Variants in RAB3D observed in about 807,000 individuals in gnomAD.
The protein encoded by RAB3D is RAB3D, member RAS oncogene family.
A neutral mutation model predicts 19.3 loss-of-function variants in RAB3D; 17 were observed. The observed-to-expected ratio is 0.88, with a 90% CI of 0.60 to 1.32. The LOEUF is 1.32. Ranked by LOEUF, RAB3D falls within the 40% of genes most tolerant of loss-of-function variation. The pLI is 0.00. For missense variants in RAB3D, 223 were observed against 299.1 expected, an observed-to-expected ratio of 0.75 and a Z score of 1.88; for synonymous variants, 103 against 119.9, an observed-to-expected ratio of 0.86 and a Z score of 0.92.
At chr19:11,329,743 G>A (rs773670139) in intron 4 of RAB3D, among the ~76,000 whole-genome samples, 3 of 151,894 alleles carry the variant, frequency 2.0e-5, no homozygotes, top group East Asian at 1.9e-4. Flanking sequence ...ACGCAATGGC[G>A]CGATCTTGGC....
chr19:11,336,528 T>C (rs1966896739), intron 2 of RAB3D, among the ~76,000 whole-genome samples: 1 of 152,026 alleles, frequency 6.6e-6, no homozygotes, highest in Non-Finnish European at 1.5e-5. Context: ...CAGGCTGGTC[T>C]GGAACCGCTG....
chr19:11,328,425 G>A (rs28594188), intron 4 of RAB3D, among the ~76,000 whole-genome samples: 12,300 of 151,570 alleles, frequency 0.081, 979 homozygotes, highest in African/African-American at 0.21. Context: ...ACGGAGGTGG[G>A]CGGATCACGA....
At chr19:11,327,164 C>A (rs961880360) in intron 4 of RAB3D, among the ~76,000 whole-genome samples, 3 of 152,230 alleles carry the variant, frequency 2.0e-5, no homozygotes, top group Middle Eastern at 3.2e-3. Flanking sequence ...CAGCTCCAGG[C>A]AGGCAGGATT....
chr19:11,333,574 GTTA>G (rs1415706445), intron 4 of RAB3D, among the ~76,000 whole-genome samples: 1 of 152,116 alleles, frequency 6.6e-6, no homozygotes, highest in Non-Finnish European at 1.5e-5. Flanking sequence ...TGGGGAGTGG[GTTA>G]TTGCCTTAGT....
chr19:11,332,797 A>G (rs1271556527), intron 4 of RAB3D, among the ~76,000 whole-genome samples: 1 of 152,080 alleles, frequency 6.6e-6, no homozygotes, highest in Non-Finnish European at 1.5e-5. Context: ...ATTTTTTTAA[A>G]AAAGTGTAGG....
In RAB3D at chr19:11,322,105, G is replaced by GAGT. The variant is rs1464407557; in HGVS notation, c.*3290_*3292dup. The GAGT allele has an allele frequency of 3.3e-5, 5 of 152,152 alleles. No individual in the cohort carries two copies. Among genetic ancestry groups the GAGT allele is most frequent in the South Asian group, 2.1e-4 (1 of 4,836 alleles). The allele number at this position is 152,152 out of a possible 1,614,324, so 9.4% of individuals were successfully genotyped here. ...GGATTTAAGTTTTTCTTGTTGAGAAGAGTACATCTTTCCAAACTGGACATC... is the reference window on the plus strand; with the variant it reads ...GGATTTAAGTTTTTCTTGTTGAGAAGAGTAGTACATCTTTCCAAACTGGACATC... On this transcript the variant is annotated 3_prime_UTR_variant, in exon 5 of 5. Coordinates refer to ENST00000222120, the MANE Select transcript of RAB3D (RefSeq NM_004283.4).
chr19:11,337,190 C>T lies in RAB3D; in HGVS notation c.210G>A (p.Arg70=). The T allele has an allele frequency of 1.2e-6, 2 of 1,614,002 alleles. No homozygotes were observed. The highest frequency in any genetic ancestry group is 1.7e-6 in the Non-Finnish European group (2 of 1,179,976). Residue 70 remains arginine (R), a synonymous_variant, in exon 2 of 5, where the codon AGG becomes AGA. Transcript: ENST00000222120. ...KVKTVYRHDK[R]IKLQIWDTAG... Reference sequence around the variant, plus strand: ...AGCCTACCCAGATCTGCAGCTTGATCCTCTTGTCATGGCGGTAGACGGTCT... The same window carrying T: ...AGCCTACCCAGATCTGCAGCTTGATTCTCTTGTCATGGCGGTAGACGGTCT...
chr19:11,336,589 A>C (rs1966897231), intron 2 of RAB3D, among the ~76,000 whole-genome samples: 1 of 151,996 alleles, frequency 6.6e-6, no homozygotes, highest in Non-Finnish European at 1.5e-5. Context: ...GATTACAGGC[A>C]TAAGCCACCA....
chr19:11,339,177 C>G (rs944349245), intron 1 of RAB3D, among the ~76,000 whole-genome samples: 4 of 152,234 alleles, frequency 2.6e-5, no homozygotes, highest in African/African-American at 9.6e-5. Flanking sequence ...TCGGTCCCGC[C>G]TCTTTCTAAC....
rs929876596 is a variant in RAB3D, at chr19:11,324,015, C to A, written c.*1383G>T. 6.6e-6 allele frequency: 1 copy of A among 152,140 alleles called. No homozygotes were observed. The highest frequency in any genetic ancestry group is 2.4e-5 in the African/African-American group (1 of 41,390). 9.4% of individuals were successfully genotyped at this position (152,140 alleles called of 1,614,324 possible). ...GAGCAGAAGCCCCTGGAGGTGGGGA[C>A]CCCAGCTTCAGAGACTCCCCGGCAC... is the stretch of plus-strand genomic sequence containing the variant. On this transcript the variant is annotated 3_prime_UTR_variant, in exon 5 of 5. Transcript: ENST00000222120.
At chr19:11,334,551 G>A (rs1396384479) in intron 4 of RAB3D, among the ~76,000 whole-genome samples, 2 of 152,058 alleles carry the variant, frequency 1.3e-5, no homozygotes, top group African/African-American at 4.8e-5. Context: ...CACTTTGGGA[G>A]GCTGAGGAGG....
At chr19:11,330,987 G>C (rs929459843) in intron 4 of RAB3D, among the ~76,000 whole-genome samples, 1 of 150,520 alleles carries the variant, frequency 6.6e-6, no homozygotes, top group Admixed American at 6.6e-5. Context: ...CTGCACTCCA[G>C]CCTGAGCACC....
intron 4 of RAB3D, among the ~76,000 whole-genome samples, chr19:11,333,000 A>C (rs1409283799): frequency 2.0e-5 from 3 of 152,168 alleles, no homozygotes; most frequent in Non-Finnish European, 4.4e-5. Context: ...ACAGAGGAAA[A>C]GGTTAAGGAA....
chr19:11,331,194 C>G (rs890487733), intron 4 of RAB3D, among the ~76,000 whole-genome samples: 15 of 151,728 alleles, frequency 9.9e-5, no homozygotes, highest in African/African-American at 3.4e-4. Context: ...ACTCAGGAGG[C>G]TGAGGCAAGA....
In RAB3D at chr19:11,324,068, A is replaced by G. The variant is rs893137760; in HGVS notation, c.*1330T>C. ...ATCACAGTCCATCCCCCCCATTCACATAAGGTCCTGCCACTCTCAGGCTGT... is the reference window on the plus strand; with the variant it reads ...ATCACAGTCCATCCCCCCCATTCACGTAAGGTCCTGCCACTCTCAGGCTGT... On this transcript the variant is annotated 3_prime_UTR_variant, in exon 5 of 5. Coordinates refer to ENST00000222120, the MANE Select transcript of RAB3D (RefSeq NM_004283.4). 9 of 152,160 alleles carry G rather than the reference A, an allele frequency of 5.9e-5. No homozygotes were observed. In the South Asian group the frequency reaches 1.5e-3, roughly 25 times the overall value. 9.4% of individuals were successfully genotyped at this position (152,160 alleles called of 1,614,324 possible). A position where few individuals can be genotyped will look rare whatever the true frequency, so the allele number is the denominator to read the frequency against.
At chr19:11,329,207 C>T (rs2080827306) in intron 4 of RAB3D, among the ~76,000 whole-genome samples, 2 of 152,096 alleles carry the variant, frequency 1.3e-5, no homozygotes. Context: ...CATGAGCCAC[C>T]ATGCCCAGCC....
chr19:11,331,444 T>C (rs934472815), intron 4 of RAB3D, among the ~76,000 whole-genome samples: 2 of 151,568 alleles, frequency 1.3e-5, no homozygotes, highest in Non-Finnish European at 2.9e-5. Context: ...CCGTGGCTCA[T>C]GCCTGTAATC....
intron 4 of RAB3D, among the ~76,000 whole-genome samples, chr19:11,332,596 T>G (rs1362330802): frequency 6.6e-6 from 1 of 152,194 alleles, no homozygotes; most frequent in Non-Finnish European, 1.5e-5. Flanking sequence ...CTACCCACCT[T>G]GCCCTCCCAA....
chr19:11,335,355 G>A, intron 4 of RAB3D, 92 bp downstream of exon 4: 1 of 1,540,536 alleles, frequency 6.5e-7, no homozygotes, highest in Non-Finnish European at 8.8e-7. Context: ...ATCCTCAAAG[G>A]ATCAGTGACT....
Sources: allele counts gnomAD v4.1 joint callset (sites outside exome capture counted in the v4.1 genomes callset), GRCh38; gene constraint gnomAD v4.1.1; transcripts MANE v1.5; gene names NCBI Gene and HGNC (gene_info 2026-07-23, HGNC 2026-07-21).